The following DIP2A variants were observed in gnomAD, a reference collection of about 807,000 sequenced individuals.
DIP2A encodes the protein disco-interacting protein 2 homolog A.
In DIP2A, 85 loss-of-function variants were observed where a neutral mutation model predicts 177.4. The ratio of observed to expected loss-of-function variants is 0.48; its 90% CI spans 0.40 to 0.57. The LOEUF (loss-of-function observed/expected upper bound fraction) is 0.57, where lower values mean the gene tolerates loss of function less well. Among genes scored for constraint, DIP2A ranks in the 20% least tolerant of loss-of-function variants. DIP2A has a pLI of 0.00. For missense variants in DIP2A, 1,791 were observed against 2,100.2 expected, an observed-to-expected ratio of 0.85 and a Z score of 2.88; for synonymous variants, 886 against 881.8, an observed-to-expected ratio of 1.00 and a Z score of -0.08.
rs767213267 is a variant in DIP2A, at chr21:46,554,309, G to T, written c.3154+17G>T. 2.5e-6 allele frequency: 4 copies of T among 1,612,982 alleles called. No homozygotes were observed. The East Asian group carries it at 8.9e-5, about 36-fold the overall frequency. On this transcript the variant is annotated intron_variant, in intron 26 of 37. Transcript: ENST00000417564. ...ACCCACCAGGTGGGCTCACTGTGGG[G>T]CTGTCCACCTGCAGCTCTTTGTAAG...
intron 1 of DIP2A, among the ~76,000 whole-genome samples, chr21:46,481,143 G>A (rs980310289): frequency 4.6e-5 from 7 of 152,090 alleles, no homozygotes; most frequent in East Asian, 1.9e-4. Context: ...GCAGTCTCCC[G>A]GTCCCCCAGC....
chr21:46,575,116 A>G, the DIP2A span, among the ~76,000 whole-genome samples: 1 of 152,180 alleles, frequency 6.6e-6, no homozygotes, highest in Non-Finnish European at 1.5e-5. Context: ...TGTAAGGATG[A>G]TTCAATATAT....
At position 46,558,398 on chromosome 21, in the gene DIP2A, G is replaced by A; in HGVS notation, c.3969+5G>A. The A allele has an allele frequency of 7.0e-7, 1 of 1,428,890 alleles. No individual in the cohort carries two copies. The highest frequency in any genetic ancestry group is 1.2e-5 in the South Asian group (1 of 81,984). The allele number at this position is 1,428,890 out of a possible 1,614,324, so 88.5% of individuals were successfully genotyped here. ...AACGTGGCCATCTGCCTCCAGGTGAGGTGCCTGGGGCTGCGGTTCTCGAAA... is the reference window on the plus strand; with the variant it reads ...AACGTGGCCATCTGCCTCCAGGTGAAGTGCCTGGGGCTGCGGTTCTCGAAA... On this transcript the variant is annotated splice_donor_5th_base_variant and intron_variant, in intron 32 of 37. Transcript: ENST00000417564.
At chr21:46,519,489 C>G (rs896263272) in intron 8 of DIP2A, among the ~76,000 whole-genome samples, 2 of 152,164 alleles carry the variant, frequency 1.3e-5, no homozygotes, top group Non-Finnish European at 2.9e-5. Flanking sequence ...GATTCATCTT[C>G]TATAACTTCT....
intron 8 of DIP2A, among the ~76,000 whole-genome samples, chr21:46,524,614 TGTA>T (rs1178517711): frequency 6.6e-6 from 1 of 152,004 alleles, no homozygotes; most frequent in Non-Finnish European, 1.5e-5. Flanking sequence ...GGCAAGTCAG[TGTA>T]GTAAAGTGAA....
chr21:46,468,458 A>T (rs2055056084), intron 1 of DIP2A, among the ~76,000 whole-genome samples: 1 of 151,692 alleles, frequency 6.6e-6, no homozygotes, highest in Admixed American at 6.6e-5. Context: ...AACAAATCCT[A>T]CACAAGCCCA....
At chr21:46,536,869 A>G (rs911535607) in intron 13 of DIP2A, among the ~76,000 whole-genome samples, 3 of 150,850 alleles carry the variant, frequency 2.0e-5, no homozygotes, top group African/African-American at 7.3e-5. Context: ...GCTCCATTGC[A>G]CTCTAGCCTG....
At position 46,534,631 on chromosome 21, in the gene DIP2A, A is replaced by G; in HGVS notation, c.1586A>G (p.His529Arg). ...EGSTVGVTVS[H>R]ASLLAQCRAL... ...AGTACGGTGGGGGTCACAGTGTCCC[A>G]CGCATCCCTGCTGGCACAGTGCCGG... Residue 529 changes from histidine (H) to arginine (R), a missense_variant, in exon 13 of 38, where the codon CAC becomes CGC. By Grantham distance (29) the His-to-Arg change is conservative. Transcript: ENST00000417564. 1.9e-6 allele frequency: 3 copies of G among 1,612,974 alleles called. No individual in the cohort carries two copies. The highest frequency in any genetic ancestry group is 2.5e-6 in the Non-Finnish European group (3 of 1,179,880).
At chr21:46,511,690 C>G (rs1051571091) in intron 8 of DIP2A, 76 bp downstream of exon 8, 1 of 1,348,812 alleles carries the variant, frequency 7.4e-7, no homozygotes, top group Admixed American at 3.2e-5. Flanking sequence ...CATAGACATA[C>G]AGCTTGATAA....
At chr21:46,535,587 T>A (rs1004033436) in intron 13 of DIP2A, among the ~76,000 whole-genome samples, 29 of 152,024 alleles carry the variant, frequency 1.9e-4, no homozygotes, top group African/African-American at 4.8e-4. Flanking sequence ...AATAGAATTT[T>A]TAAAAAAGAA....
At position 46,557,671 on chromosome 21, in the gene DIP2A, A is replaced by T. The variant is rs2060515508; in HGVS notation, c.3716A>T (p.Tyr1239Phe). ...VSLWLSAVSQ[Y>F]KARVTFCSYS... is the part of the protein sequence containing the mutation. ...CTGTGGCTGTCGGCCGTCAGCCAGT[A>T]CAAGGCCCGCGTCACCTTCTGCTCC... Residue 1239 changes from tyrosine (Y) to phenylalanine (F), a missense_variant, in exon 31 of 38, where the codon TAC becomes TTC. Tyr to Phe is a conservative substitution (Grantham distance 22). Transcript: ENST00000417564. This position sits in a 1 kb window ranked among gnomAD's most constrained non-coding sequence, Gnocchi z 6.0. 2 of 1,613,564 alleles carry T rather than the reference A, an allele frequency of 1.2e-6. No homozygotes were observed. Among genetic ancestry groups the T allele is most frequent in the Non-Finnish European group, 1.7e-6 (2 of 1,179,842 alleles).
Position 46,554,608 on chromosome 21 carries a change from T to C in DIP2A, c.3188T>C (p.Leu1063Ser). ...CTCATTGCCGCGTTCTATGGCTGCT[T>C]GTACTGTGGCTGCGTGCCTGTCACC... ...VDLIAAFYGC[L>S]YCGCVPVTVR... The change falls in exon 27 of 38, where the codon TTG (leucine) becomes TCG (serine). Residue 1063 changes from leucine to serine, a missense_variant. Physicochemically the swap from Leu to Ser is moderately radical, Grantham distance 145 (BLOSUM62 -2). Coordinates refer to ENST00000417564, the MANE Select transcript of DIP2A (RefSeq NM_015151.4). 1 of 1,611,038 alleles carries C rather than the reference T, an allele frequency of 6.2e-7. No homozygotes were observed. Among genetic ancestry groups the C allele is most frequent in the South Asian group, 1.1e-5 (1 of 90,388 alleles).
Position 46,556,881 on chromosome 21 carries a change from C to G in DIP2A, c.3499-58C>G. On this transcript the variant is annotated intron_variant, in intron 29 of 37. Coordinates refer to ENST00000417564, the MANE Select transcript of DIP2A (RefSeq NM_015151.4). The surrounding 1 kb of genome is among the most constrained non-coding windows in gnomAD (Gnocchi z 4.5). ...TGAACAGCGGACACTGCCATCCACC[C>G]TCTCCCCTCCTGAATTTCATTTCAC... 3 of 1,445,904 alleles carry G rather than the reference C, an allele frequency of 2.1e-6. No homozygotes were observed. The highest frequency in any genetic ancestry group is 2.8e-6 in the Non-Finnish European group (3 of 1,079,344). The allele number at this position is 1,445,904 out of a possible 1,614,324, so 89.6% of individuals were successfully genotyped here.
At chr21:46,467,786 T>A (rs2054971739) in intron 1 of DIP2A, among the ~76,000 whole-genome samples, 1 of 152,090 alleles carries the variant, frequency 6.6e-6, no homozygotes, top group Admixed American at 6.5e-5. Flanking sequence ...CAAGTGTCTT[T>A]GTACAAAATT....
chr21:46,549,716 T>G (rs1457140144), intron 21 of DIP2A, 55 bp from the exon 22 acceptor site: 81 of 1,604,840 alleles, frequency 5.0e-5, no homozygotes, highest in Non-Finnish European at 6.8e-5. Flanking sequence ...TGAGAATGCA[T>G]CTGTGTCTTG....
chr21:46,554,786 G>GGGGGGGGGGCCCCC, intron 27 of DIP2A, 36 bp from the exon 28 acceptor site: 4 of 1,519,078 alleles, frequency 2.6e-6, no homozygotes, highest in Non-Finnish European at 2.7e-6. Flanking sequence ...AGCTTGAGAG[G>GGGGGGGGGGCCCCC]CCCCGCCCAC....
intron 3 of DIP2A, among the ~76,000 whole-genome samples, chr21:46,491,732 G>A (rs1018549725): frequency 6.6e-6 from 1 of 152,088 alleles, no homozygotes; most frequent in Admixed American, 6.6e-5. Flanking sequence ...CCTAGAAAAG[G>A]TCTCCTCCTT....
At chr21:46,566,429 G>A in intron 36 of DIP2A, 131 bp from the exon 37 acceptor site, 1 of 1,248,256 alleles carries the variant, frequency 8.0e-7, no homozygotes, top group Non-Finnish European at 1.1e-6. Context: ...TGCACGTGGT[G>A]TGCGACCTCA....
In DIP2A at chr21:46,484,793, C is replaced by G. The variant is rs747118563; in HGVS notation, c.128C>G (p.Ala43Gly). The change falls in exon 2 of 38, where the codon GCA becomes GGA. Residue 43 changes from alanine (A) to glycine (G), a missense_variant. Physicochemically the swap from Ala to Gly is moderately conservative, Grantham distance 60. Transcript: ENST00000417564. Reference protein sequence around the residue: ...ITQKGYEKKRAKLLARYIPLI... With the variant: ...ITQKGYEKKRGKLLARYIPLI... ...CAAAAAGGATATGAAAAGAAAAGGG[C>G]AAAGCTGCTTGCACGTTATATACCG... The G allele has an allele frequency of 8.8e-6, 14 of 1,584,654 alleles. 1 individual carries two copies. In the Admixed American group the frequency reaches 1.8e-4, roughly 20 times the overall value.
Sources: allele counts gnomAD v4.1 joint callset (sites outside exome capture counted in the v4.1 genomes callset), GRCh38; gene constraint gnomAD v4.1.1; non-coding constraint Gnocchi (gnomAD v3.1); transcripts MANE v1.5; gene names NCBI Gene and HGNC (gene_info 2026-07-23, HGNC 2026-07-21).